VGLL4: variants seen among roughly 807,000 people sequenced by gnomAD.
The protein encoded by VGLL4 is vestigial like family member 4.
A neutral mutation model predicts 21.0 loss-of-function variants in VGLL4; 7 were observed. That is an observed-to-expected ratio of 0.33 (90% CI 0.19 to 0.63). The LOEUF (loss-of-function observed/expected upper bound fraction) is 0.63, where lower values mean the gene tolerates loss of function less well. VGLL4 is among the 20% of genes least tolerant of loss of function. The probability of loss-of-function intolerance (pLI) is 0.78; values close to 1 mark genes in which losing one functional copy is unlikely to be tolerated. For missense variants in VGLL4, 394 were observed against 425.7 expected (o/e 0.93, Z 0.66); for synonymous variants, 222 against 173.2 (o/e 1.28, Z -2.21).
chr3:11,564,560 A>G (rs965720491), intron 3 of VGLL4, among the ~76,000 whole-genome samples: 1 of 152,038 alleles, frequency 6.6e-6, no homozygotes, highest in African/African-American at 2.4e-5. Flanking sequence ...CGTGAGTGCT[A>G]AGAGGCAAGG....
chr3:11,558,456 CCCCCA>C lies in VGLL4; in HGVS notation c.*95_*99del, dbSNP rs1006034461. ...TGCAAATAAACCATCCCTTCCCTTC[CCCCCA>C]CCCCACCCCCATGATTTTTTTTTTT... On this transcript the variant is annotated 3_prime_UTR_variant, in exon 5 of 5. Coordinates refer to ENST00000430365, the MANE Select transcript of VGLL4 (RefSeq NM_001128219.3). 1.7e-5 allele frequency: 16 copies of C among 940,390 alleles called. No homozygotes were observed. In the Admixed American group the frequency reaches 3.5e-4, roughly 20 times the overall value. The allele number at this position is 940,390 out of a possible 1,614,324, so 58.3% of individuals were successfully genotyped here. A position where few individuals can be genotyped will look rare whatever the true frequency, so the allele number is the denominator to read the frequency against.
chr3:11,641,245 A>G (rs2075683713), intron 1 of VGLL4, among the ~76,000 whole-genome samples: 1 of 152,116 alleles, frequency 6.6e-6, no homozygotes, highest in Non-Finnish European at 1.5e-5. Context: ...CTTAATTTTT[A>G]AAACTAAAAT....
chr3:11,682,144 C>CAAAG (rs2076381267), intron 2 of VGLL4, among the ~76,000 whole-genome samples: 1 of 152,058 alleles, frequency 6.6e-6, no homozygotes, highest in African/African-American at 2.4e-5. Flanking sequence ...TGGCTCACGC[C>CAAAG]TGTAATCCTA....
At chr3:11,594,065 C>T (rs7616556) in intron 2 of VGLL4, among the ~76,000 whole-genome samples, 120,426 of 152,226 alleles carry the variant, frequency 0.79, 48,219 homozygotes, top group Non-Finnish European at 0.86. Flanking sequence ...ACAGCACTTC[C>T]CCTAGAGACA....
At chr3:11,643,329 C>T in intron 1 of VGLL4, 108 bp downstream of exon 1, 1 of 1,571,066 alleles carries the variant, frequency 6.4e-7, no homozygotes, top group Non-Finnish European at 8.7e-7. Context: ...TTCAAGTGCC[C>T]TACACCCCGG....
chr3:11,637,230 G>A (rs1270149575), intron 1 of VGLL4, among the ~76,000 whole-genome samples: 1 of 152,088 alleles, frequency 6.6e-6, no homozygotes, highest in African/African-American at 2.4e-5. Context: ...TCACCGGGTT[G>A]TTCATTTCTC....
intron 1 of VGLL4, among the ~76,000 whole-genome samples, chr3:11,634,639 G>A (rs906114122): frequency 2.6e-5 from 4 of 151,372 alleles, no homozygotes; most frequent in Non-Finnish European, 5.9e-5. Flanking sequence ...CTCACCATAT[G>A]TGCACCAGCA....
At chr3:11,567,181 G>A (rs186083473) in intron 2 of VGLL4, among the ~76,000 whole-genome samples, 6 of 152,144 alleles carry the variant, frequency 3.9e-5, no homozygotes, top group African/African-American at 1.2e-4. Flanking sequence ...TCCGAGCCTC[G>A]GCGTCCCCAT....
At chr3:11,567,724 T>C (rs2443728) in intron 2 of VGLL4, among the ~76,000 whole-genome samples, 20,866 of 152,280 alleles carry the variant, frequency 0.14, 1,695 homozygotes, top group Middle Eastern at 0.19. Flanking sequence ...TCCTGAGATC[T>C]GCTGGCTTCT....
At chr3:11,642,734 G>A (rs2075718687) in intron 1 of VGLL4, among the ~76,000 whole-genome samples, 1 of 152,220 alleles carries the variant, frequency 6.6e-6, no homozygotes, top group East Asian at 1.9e-4. Context: ...GCAGTAGGAG[G>A]TAATAAATAA....
intron 2 of VGLL4, among the ~76,000 whole-genome samples, chr3:11,592,492 C>T (rs1478102178): frequency 1.3e-5 from 2 of 152,148 alleles, no homozygotes; most frequent in South Asian, 2.1e-4. Context: ...GGGGCCTCCA[C>T]CCCTTTACTT....
intron 2 of VGLL4, among the ~76,000 whole-genome samples, chr3:11,583,926 T>TA (rs1313419415): frequency 2.0e-5 from 3 of 152,174 alleles, no homozygotes; most frequent in Non-Finnish European, 2.9e-5. Flanking sequence ...ACACAAACAA[T>TA]AAGCTTCCCT....
intron 2 of VGLL4, among the ~76,000 whole-genome samples, chr3:11,587,921 T>C (rs879787840): frequency 2.6e-5 from 4 of 152,246 alleles, no homozygotes; most frequent in African/African-American, 9.6e-5. Context: ...CGGGCAGGGC[T>C]GGTGCTACCG....
At chr3:11,628,692 C>T (rs1042192606) in intron 1 of VGLL4, among the ~76,000 whole-genome samples, 20 of 152,026 alleles carry the variant, frequency 1.3e-4, no homozygotes, top group Non-Finnish European at 2.1e-4. Flanking sequence ...TGGTGGCGGG[C>T]GCCTGTAATC....
intron 1 of VGLL4, among the ~76,000 whole-genome samples, chr3:11,708,454 T>C (rs1487490007): frequency 6.6e-6 from 1 of 152,028 alleles, no homozygotes; most frequent in African/African-American, 2.4e-5. Context: ...GCAGGTGATG[T>C]GGGGGGCGGC....
At chr3:11,720,102 C>T (rs2076973900) in intron 1 of VGLL4, among the ~76,000 whole-genome samples, 1 of 152,104 alleles carries the variant, frequency 6.6e-6, no homozygotes, top group Admixed American at 6.5e-5. Flanking sequence ...GGGACGCCGA[C>T]GTTCACAGTC....
intron 1 of VGLL4, among the ~76,000 whole-genome samples, chr3:11,707,733 C>G (rs1178795593): frequency 6.6e-6 from 1 of 151,934 alleles, no homozygotes; most frequent in African/African-American, 2.4e-5. Flanking sequence ...GGGACGTATA[C>G]CTATAGTCCC....
intron 3 of VGLL4, among the ~76,000 whole-genome samples, chr3:11,563,455 T>A (rs972475919): frequency 6.6e-6 from 1 of 152,224 alleles, no homozygotes; most frequent in Non-Finnish European, 1.5e-5. Context: ...CAGCCCCTGC[T>A]GCTGCCCAAC....
intron 2 of VGLL4, among the ~76,000 whole-genome samples, chr3:11,668,106 T>C (rs910866059): frequency 6.6e-6 from 1 of 151,922 alleles, no homozygotes; most frequent in Non-Finnish European, 1.5e-5. Context: ...CTGCCTGCCT[T>C]GGCCTCCCAA....
Sources: gnomAD v4.1 joint callset for allele counts (sites outside exome capture counted in the v4.1 genomes callset) on GRCh38, gnomAD v4.1.1 for gene constraint, MANE v1.5 for transcripts, NCBI Gene and HGNC (gene_info 2026-07-23, HGNC 2026-07-21) for gene names.